RCOR1: variants seen among roughly 807,000 people sequenced by gnomAD.
RCOR1 encodes REST corepressor 1.
Under a neutral mutation model 64.0 loss-of-function variants are expected in RCOR1, and 12 were observed. That is an observed-to-expected ratio of 0.19 (90% CI 0.12 to 0.30). The LOEUF (loss-of-function observed/expected upper bound fraction) is 0.30, where lower values mean the gene tolerates loss of function less well. Ranked by LOEUF, RCOR1 falls within the 10% of genes least tolerant of loss-of-function variation. The probability of loss-of-function intolerance (pLI) is 1.00; values close to 1 mark genes in which losing one functional copy is unlikely to be tolerated. For synonymous variants in RCOR1, 279 were observed against 227.2 expected (o/e 1.23, Z -2.05); for missense variants, 502 against 621.2 (o/e 0.81, Z 2.04).
rs1033019472 is a variant in RCOR1 at position 102,592,796 on chromosome 14, G to A, written c.-91G>A. On this transcript the variant is annotated 5_prime_UTR_variant, in exon 1 of 12. Transcript: ENST00000262241. ...GCTCCCGCCGCGCCCGCCCGGCCCC[G>A]CGCCGGCCCCGCGCCCCCTCCCCCG... 29 of 1,179,174 alleles carry A rather than the reference G, an allele frequency of 2.5e-5. No individual in the cohort carries two copies. Among genetic ancestry groups the A allele is most frequent in the Admixed American group, 4.6e-5 (1 of 21,762 alleles). 73.0% of individuals were successfully genotyped at this position (1,179,174 alleles called of 1,614,324 possible). A position where few individuals can be genotyped will look rare whatever the true frequency, so the allele number is the denominator to read the frequency against.
chr14:102,636,127 A>G (rs144259986), intron 2 of RCOR1, among the ~76,000 whole-genome samples: 2,999 of 150,830 alleles, frequency 0.02, 99 homozygotes, highest in African/African-American at 0.069. Flanking sequence ...TTTAGTAGAG[A>G]TGGGGTTTCA....
intron 11 of RCOR1, among the ~76,000 whole-genome samples, chr14:102,723,547 A>G (rs1896204978): frequency 1.3e-5 from 2 of 152,234 alleles, no homozygotes; most frequent in Non-Finnish European, 1.5e-5. Flanking sequence ...AATATTGCCA[A>G]GGTCAGTACC....
chr14:102,686,413 C>T (rs556185788), intron 3 of RCOR1, among the ~76,000 whole-genome samples: 7 of 152,270 alleles, frequency 4.6e-5, no homozygotes, highest in African/African-American at 9.6e-5. Context: ...CAAAGGGATA[C>T]GTTTGTTACA....
At chr14:102,707,714 T>C (rs1355864054) in intron 5 of RCOR1, among the ~76,000 whole-genome samples, 1 of 152,120 alleles carries the variant, frequency 6.6e-6, no homozygotes, top group Non-Finnish European at 1.5e-5. Context: ...GCACTTCCCA[T>C]CCTGTCGTCT....
At chr14:102,704,646 G>C (rs946928540) in intron 4 of RCOR1, among the ~76,000 whole-genome samples, 1 of 152,202 alleles carries the variant, frequency 6.6e-6, no homozygotes, top group African/African-American at 2.4e-5. Context: ...TGGTCAGGCT[G>C]GTCTCGAACT....
At chr14:102,641,850 G>A (rs1894376594) in intron 2 of RCOR1, among the ~76,000 whole-genome samples, 1 of 152,126 alleles carries the variant, frequency 6.6e-6, no homozygotes. Flanking sequence ...TGGGTAGTGT[G>A]TCAAATACAG....
intron 2 of RCOR1, among the ~76,000 whole-genome samples, chr14:102,623,140 C>CA (rs1162829178): frequency 6.6e-6 from 1 of 152,048 alleles, no homozygotes; most frequent in Non-Finnish European, 1.5e-5. Flanking sequence ...CATTTAGTTT[C>CA]ATTCACAGTT....
chr14:102,725,967 TC>T (rs1206905367), intron 11 of RCOR1, among the ~76,000 whole-genome samples: 1 of 152,176 alleles, frequency 6.6e-6, no homozygotes, highest in Admixed American at 6.5e-5. Flanking sequence ...ACTGATAACT[TC>T]TTTGCACATA....
intron 2 of RCOR1, among the ~76,000 whole-genome samples, chr14:102,674,476 T>A (rs980364912): frequency 3.5e-4 from 53 of 152,290 alleles, no homozygotes; most frequent in Middle Eastern, 3.4e-3. Flanking sequence ...TTCTTTTTTT[T>A]AAAATGCTGA....
intron 2 of RCOR1, among the ~76,000 whole-genome samples, chr14:102,599,435 A>G (rs1005310525): frequency 1.3e-5 from 2 of 151,912 alleles, no homozygotes; most frequent in African/African-American, 4.8e-5. Flanking sequence ...TTCAGCCATT[A>G]TTATTACTAT....
intron 2 of RCOR1, among the ~76,000 whole-genome samples, chr14:102,594,219 T>C (rs532438723): frequency 6.6e-6 from 1 of 152,284 alleles, no homozygotes; most frequent in African/African-American, 2.4e-5. Flanking sequence ...GTATGGAAAA[T>C]GTTTGAAAGA....
chr14:102,627,960 G>GGTGTGTGTGTGTGTGTGTGT (rs3069199), intron 2 of RCOR1, among the ~76,000 whole-genome samples: 2 of 149,072 alleles, frequency 1.3e-5, no homozygotes, highest in African/African-American at 4.9e-5. Flanking sequence ...ATTTAAAAGG[G>GGTGTGTGTGTGTGTGTGTGT]GTGTGTGTGT....
chr14:102,598,819 A>C (rs1024179374), intron 2 of RCOR1, among the ~76,000 whole-genome samples: 2 of 152,030 alleles, frequency 1.3e-5, no homozygotes, highest in Non-Finnish European at 2.9e-5. Context: ...TGGTAGTTAG[A>C]ATACCATTTG....
intron 2 of RCOR1, among the ~76,000 whole-genome samples, chr14:102,677,048 C>T (rs1895186858): frequency 7.7e-6 from 1 of 129,116 alleles, no homozygotes; most frequent in African/African-American, 3.1e-5. Context: ...CCCCACCTCC[C>T]TCCCGGACGG....
chr14:102,651,320 C>T (rs982141409), intron 2 of RCOR1, among the ~76,000 whole-genome samples: 11 of 151,872 alleles, frequency 7.2e-5, no homozygotes, highest in African/African-American at 2.4e-4. Context: ...TTTAGGAGGC[C>T]GAGGAAGGCG....
intron 2 of RCOR1, among the ~76,000 whole-genome samples, chr14:102,643,691 AG>A (rs1444163542): frequency 6.6e-6 from 1 of 152,170 alleles, no homozygotes; most frequent in Non-Finnish European, 1.5e-5. Flanking sequence ...GACTTTCCCT[AG>A]CCTAGCACAA....
rs1225407814 is a variant in RCOR1 at position 102,592,793 on chromosome 14, C to T, written c.-94C>T. On this transcript the variant is annotated 5_prime_UTR_variant, in exon 1 of 12. Transcript: ENST00000262241. ...TGGGCTCCCGCCGCGCCCGCCCGGC[C>T]CCGCGCCGGCCCCGCGCCCCCTCCC... is the stretch of plus-strand genomic sequence containing the variant. The T allele has an allele frequency of 2.2e-5, 26 of 1,180,300 alleles. No homozygotes were observed. In the Admixed American group the frequency reaches 8.2e-4, roughly 37 times the overall value. 73.1% of individuals were successfully genotyped at this position (1,180,300 alleles called of 1,614,324 possible). A position where few individuals can be genotyped will look rare whatever the true frequency, so the allele number is the denominator to read the frequency against.
intron 7 of RCOR1, among the ~76,000 whole-genome samples, chr14:102,712,956 T>G (rs1357632374): frequency 8.1e-5 from 11 of 135,288 alleles, no homozygotes; most frequent in African/African-American, 2.5e-4. Flanking sequence ...TGTTTTTTTT[T>G]TTTTTTTTTT....
At chr14:102,602,609 T>C (rs766706183) in intron 2 of RCOR1, among the ~76,000 whole-genome samples, 2 of 152,144 alleles carry the variant, frequency 1.3e-5, no homozygotes, top group African/African-American at 4.8e-5. Flanking sequence ...GGTTTCACCA[T>C]GCTGGCCAGG....
Sources: gnomAD v4.1 joint callset for allele counts (sites outside exome capture counted in the v4.1 genomes callset) on GRCh38, gnomAD v4.1.1 for gene constraint, MANE v1.5 for transcripts, NCBI Gene and HGNC (gene_info 2026-07-23, HGNC 2026-07-21) for gene names.